Variants in PGC observed in about 807,000 individuals in gnomAD.
PGC encodes the protein gastricsin.
Under a neutral mutation model 45.9 loss-of-function variants are expected in PGC, and 31 were observed. The observed-to-expected ratio is 0.67, with a 90% CI of 0.51 to 0.91. PGC has a LOEUF of 0.91. Among genes scored for constraint, PGC ranks in the 40% least tolerant of loss-of-function variants. The pLI is 0.00. For missense variants in PGC, 477 were observed against 493.2 expected (o/e 0.97, Z 0.31); for synonymous variants, 192 against 201.8 (o/e 0.95, Z 0.41).
At chr6:41,741,570 C>T (rs917986412) in intron 5 of PGC, among the ~76,000 whole-genome samples, 1 of 152,134 alleles carries the variant, frequency 6.6e-6, no homozygotes, top group Non-Finnish European at 1.5e-5. Flanking sequence ...AGCTTGAATC[C>T]GGGAGGCAGA....
At chr6:41,737,612 T>C in intron 8 of PGC, 118 bp downstream of exon 8, 1 of 627,078 alleles carries the variant, frequency 1.6e-6, no homozygotes, top group Non-Finnish European at 2.9e-6. Context: ...GGAAGATAAA[T>C]GAGTACAAGC....
rs1771903049 is a variant in PGC at position 41,744,983 on chromosome 6, CTGTCTG to C, written c.60-181_60-176del. Among the ~76,000 whole-genome samples, 2 of 83,600 alleles carry C rather than the reference CTGTCTG, an allele frequency of 2.4e-5. No individual in the cohort carries two copies. The highest frequency in any genetic ancestry group is 4.9e-5 in the Non-Finnish European group (2 of 40,784). The allele number at this position is 83,600 out of a possible 152,430, so 54.8% of individuals were successfully genotyped here. ...TCAGCCTTTTGCTCTCTGTCTCTGTCTGTCTGTCTCTCTGTGTGTGTGTGTGTGTGT... is the reference window on the plus strand; with the variant it reads ...TCAGCCTTTTGCTCTCTGTCTCTGTCTCTCTCTGTGTGTGTGTGTGTGTGT... On this transcript the variant is annotated intron_variant, in intron 1 of 8. Coordinates refer to ENST00000373025, the MANE Select transcript of PGC (RefSeq NM_002630.4). The surrounding 1 kb of genome is among the most constrained non-coding windows in gnomAD (Gnocchi z 4.4).
Position 41,742,317 on chromosome 6 carries a change from C to T in PGC, c.620G>A (p.Ser207Asn). The T allele has an allele frequency of 6.2e-7, 1 of 1,614,030 alleles. No individual in the cohort carries two copies. The highest frequency in any genetic ancestry group is 1.7e-5 in the Admixed American group (1 of 60,024). ...QGMVQEGALT[S>N]PVFSVYLSNQ... The stretch of plus-strand genomic sequence containing the variant: ...GCTGAGGTAGACGCTGAAGACGGGG[C>T]TGGTGAGGGCGCCCTCCTGCACCAT... Residue 207 changes from serine (S) to asparagine (N), a missense_variant, in exon 5 of 9, where the codon AGC becomes AAC. By Grantham distance (46) the Ser-to-Asn change is conservative (BLOSUM62 1). Transcript: ENST00000373025.
At chr6:41,740,301 A>G (rs901697410) in intron 6 of PGC, among the ~76,000 whole-genome samples, 190 bp downstream of exon 6, 24 of 152,130 alleles carry the variant, frequency 1.6e-4, no homozygotes, top group Non-Finnish European at 1.5e-5. Context: ...TGTTGTCCAC[A>G]TCCACTCTCT....
At chr6:41,743,825 T>C (rs946877989) in intron 3 of PGC, among the ~76,000 whole-genome samples, 2 of 152,062 alleles carry the variant, frequency 1.3e-5, no homozygotes, top group East Asian at 1.9e-4. Context: ...AGTCATAACA[T>C]AGGGTGGGGA....
chr6:41,741,262 G>A, intron 5 of PGC: 2 of 1,438,438 alleles, frequency 1.4e-6, no homozygotes, highest in Non-Finnish European at 9.1e-7. Flanking sequence ...AACAGAGGTG[G>A]AGAGGAAGTT....
chr6:41,740,516 G>T lies in PGC; in HGVS notation c.742C>A (p.Leu248Ile). Residue 248 changes from leucine to isoleucine, a missense_variant, in exon 6 of 9, where the codon CTC (leucine) becomes ATC (isoleucine). Transcript: ENST00000373025. ...QIYWAPVTQELYWQIGIEEFL... is the reference protein window; with the variant it reads ...QIYWAPVTQEIYWQIGIEEFL... ...TCTTCAATGCCAATCTGCCAGTAGAGTTCCTGGGTGACAGGCGCCCAGTAG... is the reference window on the plus strand; with the variant it reads ...TCTTCAATGCCAATCTGCCAGTAGATTTCCTGGGTGACAGGCGCCCAGTAG... 1 of 1,610,984 alleles carries T rather than the reference G, an allele frequency of 6.2e-7. No homozygotes were observed. Among genetic ancestry groups the T allele is most frequent in the Non-Finnish European group, 8.5e-7 (1 of 1,178,456 alleles).
rs1370944917 is a variant in PGC, at chr6:41,744,827, T to G, written c.60-19A>C. On this transcript the variant is annotated intron_variant, in intron 1 of 8. Coordinates refer to ENST00000373025, the MANE Select transcript of PGC (RefSeq NM_002630.4). This position sits in a 1 kb window ranked among gnomAD's most constrained non-coding sequence, Gnocchi z 4.4. ...GGGCACTCTACAGAAAGGTTGCATA[T>G]GAGGCAAGGCCCTCCCTCCTTCCTC... The G allele has an allele frequency of 6.2e-7, 1 of 1,610,292 alleles. No homozygotes were observed. The highest frequency in any genetic ancestry group is 1.3e-5 in the African/African-American group (1 of 74,822).
Position 41,747,266 on chromosome 6 carries a change from C to G in PGC, c.59+10G>C, listed in dbSNP as rs1170402258. 1 of 1,613,018 alleles carries G rather than the reference C, an allele frequency of 6.2e-7. No homozygotes were observed. Among genetic ancestry groups the G allele is most frequent in the Non-Finnish European group, 8.5e-7 (1 of 1,178,990 alleles). On this transcript the variant is annotated intron_variant, in intron 1 of 8. Transcript: ENST00000373025. ...GGCTCCCTGCACCAGCAGCCAGATC[C>G]CAGACTCACTTGACCACTGCTGCCT...
intron 5 of PGC, chr6:41,741,204 A>G (rs1771817615): frequency 5.2e-6 from 8 of 1,524,288 alleles, no homozygotes; most frequent in Non-Finnish European, 7.0e-6. Context: ...TGGTAGCTGG[A>G]GTGTGGAGCT....
chr6:41,739,954 G>A lies in PGC; in HGVS notation c.768-8C>T. 6.2e-7 allele frequency: 1 copy of A among 1,613,102 alleles called. No individual in the cohort carries two copies. The highest frequency in any genetic ancestry group is 1.3e-5 in the African/African-American group (1 of 75,032). On this transcript the variant is annotated splice_polypyrimidine_tract_variant and splice_region_variant and intron_variant, in intron 6 of 8. Transcript: ENST00000373025. ...TGGCCGCCGATGAGGAACCTGTATG[G>A]GGAGAAGACAGGCAGCCTCAGGACT...
intron 4 of PGC, 70 bp from the exon 5 acceptor site, chr6:41,742,559 A>G (rs535424297): frequency 3.5e-6 from 4 of 1,137,522 alleles, no homozygotes; most frequent in African/African-American, 1.5e-5. Context: ...TCCCCTAGAG[A>G]CTCCTCAAGC....
chr6:41,736,998 CGTT>C lies in PGC; in HGVS notation c.1018_1020del (p.Asn340del). 1 of 1,613,088 alleles carries C rather than the reference CGTT, an allele frequency of 6.2e-7. No individual in the cohort carries two copies. Among genetic ancestry groups the C allele is most frequent in the Non-Finnish European group, 8.5e-7 (1 of 1,179,598 alleles). On this transcript the variant is annotated inframe_deletion, in exon 9 of 9. Transcript: ENST00000373025. Reference sequence around the variant, plus strand: ...GGCTCGACTCCCACGGTGCAGTAGCCGTTGTTCTGCTCAACAAAGAAAGGCAGC... The same window carrying C: ...GGCTCGACTCCCACGGTGCAGTAGCCGTTCTGCTCAACAAAGAAAGGCAGC...
At chr6:41,738,097 GCT>G (rs1209512717) in intron 7 of PGC, among the ~76,000 whole-genome samples, 1 of 121,346 alleles carries the variant, frequency 8.2e-6, no homozygotes, top group Non-Finnish European at 1.8e-5. Flanking sequence ...TCGAACCTCT[GCT>G]CTTTCTCTGC....
intron 8 of PGC, among the ~76,000 whole-genome samples, chr6:41,737,275 T>A (rs1305241307): frequency 6.6e-6 from 1 of 152,186 alleles, no homozygotes; most frequent in African/African-American, 2.4e-5. Flanking sequence ...CTGCTCCCAA[T>A]TTGGAGCAGA....
At chr6:41,737,886 C>T (rs1771718407) in intron 7 of PGC, 58 bp from the exon 8 acceptor site, 3 of 1,003,940 alleles carry the variant, frequency 3.0e-6, no homozygotes, top group South Asian at 1.3e-5. Flanking sequence ...ACCCACCAGC[C>T]CCATCATCTC....
chr6:41,736,840 G>A lies in PGC; in HGVS notation c.*12C>T, dbSNP rs1209614416. On this transcript the variant is annotated 3_prime_UTR_variant, in exon 9 of 9. Coordinates refer to ENST00000373025, the MANE Select transcript of PGC (RefSeq NM_002630.4). Reference sequence around the variant, plus strand: ...AGAGGAAGAGGGGAGCCCACGTGTCGAGGCAGCAAGTCTAGGCGGCAGTGG... The same window carrying A: ...AGAGGAAGAGGGGAGCCCACGTGTCAAGGCAGCAAGTCTAGGCGGCAGTGG... The A allele has an allele frequency of 3.1e-6, 5 of 1,613,998 alleles. No individual in the cohort carries two copies. The South Asian group carries it at 3.3e-5, about 11-fold the overall frequency.
chr6:41,741,503 G>A (rs535539896), intron 5 of PGC, among the ~76,000 whole-genome samples: 7 of 152,230 alleles, frequency 4.6e-5, no homozygotes, highest in Admixed American at 6.5e-5. Flanking sequence ...AAAATTAGCC[G>A]AACACAGTGG....
In PGC at chr6:41,740,549, C is replaced by T; in HGVS notation, c.709G>A (p.Gly237Arg). Residue 237 changes from glycine to arginine, a missense_variant, in exon 6 of 9, where the codon GGG (glycine) becomes AGG (arginine). Transcript: ENST00000373025. ...GTGACAGGCGCCCAGTAGATCTGCC[C>T]CGTGTACAGGCTGCTATCCACACCC... is the stretch of plus-strand genomic sequence containing the variant. Reference protein sequence around the residue: ...FGGVDSSLYTGQIYWAPVTQE... With the variant: ...FGGVDSSLYTRQIYWAPVTQE... 6.2e-7 allele frequency: 1 copy of T among 1,611,170 alleles called. No homozygotes were observed. Among genetic ancestry groups the T allele is most frequent in the Non-Finnish European group, 8.5e-7 (1 of 1,178,586 alleles).
Sources: gnomAD v4.1 joint callset for allele counts (sites outside exome capture counted in the v4.1 genomes callset) on GRCh38, gnomAD v4.1.1 for gene constraint, Gnocchi (gnomAD v3.1) non-coding constraint, MANE v1.5 for transcripts, NCBI Gene and HGNC (gene_info 2026-07-23, HGNC 2026-07-21) for gene names.